The following SSBP2 variants were observed in gnomAD, a reference collection of about 807,000 sequenced individuals.
The protein encoded by SSBP2 is single stranded DNA binding protein 2, also known as single-stranded DNA-binding protein 2.
A neutral mutation model predicts 61.8 loss-of-function variants in SSBP2; 17 were observed. That is an observed-to-expected ratio of 0.28 (90% CI 0.19 to 0.41). SSBP2 has a LOEUF of 0.41. Among genes scored for constraint, SSBP2 ranks in the 10% least tolerant of loss-of-function variants. The probability of loss-of-function intolerance (pLI) is 1.00; values close to 1 mark genes in which losing one functional copy is unlikely to be tolerated. For synonymous variants in SSBP2, 139 were observed against 141.3 expected (o/e 0.98, Z 0.12); for missense variants, 310 against 458.7 (o/e 0.68, Z 2.96).
intron 5 of SSBP2, among the ~76,000 whole-genome samples, chr5:81,498,994 C>G (rs1388071367): frequency 6.6e-6 from 1 of 152,096 alleles, no homozygotes; most frequent in Non-Finnish European, 1.5e-5. Flanking sequence ...ATTCATATAT[C>G]TTAATTTGTT....
chr5:81,420,094 T>G lies in SSBP2; in HGVS notation c.*410A>C, dbSNP rs9641. The G allele has an allele frequency of 0.067, 10,884 of 162,544 alleles. 831 individuals are homozygous for G. The highest frequency in any genetic ancestry group is 0.19 in the African/African-American group (8,126 of 41,732). The allele number at this position is 162,544 out of a possible 1,614,324, so 10.1% of individuals were successfully genotyped here. On this transcript the variant is annotated 3_prime_UTR_variant, in exon 17 of 17. Transcript: ENST00000320672. Reference sequence around the variant, plus strand: ...GGGGGCAGGAGCAACTTGTAATAATTAAAATGTAAACGTGAAAAAAAGGAT... The same window carrying G: ...GGGGGCAGGAGCAACTTGTAATAATGAAAATGTAAACGTGAAAAAAAGGAT...
chr5:81,592,597 G>A (rs1339335885), intron 4 of SSBP2, among the ~76,000 whole-genome samples: 1 of 152,174 alleles, frequency 6.6e-6, no homozygotes, highest in African/African-American at 2.4e-5. Context: ...CCCCTAGTAG[G>A]GGCGGACTGA....
Position 81,428,663 on chromosome 5 carries a change from G to A in SSBP2, c.978C>T (p.Ser326=). 1.9e-6 allele frequency: 3 copies of A among 1,612,724 alleles called. No individual in the cohort carries two copies. Among genetic ancestry groups the A allele is most frequent in the Non-Finnish European group, 2.5e-6 (3 of 1,179,186 alleles). ...TTGGAGTGCCCGGTTGATTACTCAG[G>A]CTCATATTATTGGGAGAATTCTGTA... Residue 326 remains serine (S), a synonymous_variant, in exon 16 of 17, where the codon AGC becomes AGT. Transcript: ENST00000320672.
chr5:81,580,796 T>C (rs1039810582), intron 4 of SSBP2, among the ~76,000 whole-genome samples: 4 of 151,314 alleles, frequency 2.6e-5, no homozygotes, highest in Non-Finnish European at 5.9e-5. Flanking sequence ...GGACATACAA[T>C]GACACCATAT....
chr5:81,749,685 T>G lies in SSBP2; in HGVS notation c.62+1296A>C, dbSNP rs1031956860. ...ACAGTTTAAAAAAAAAAGGGGGGGG[T>G]TCTTCCTCAGTGATCACAGTCACTA... On this transcript the variant is annotated intron_variant, in intron 1 of 16. Coordinates refer to ENST00000320672, the MANE Select transcript of SSBP2 (RefSeq NM_012446.5). 6.7e-5 allele frequency among the ~76,000 whole-genome samples: 10 copies of G among 148,364 alleles called. No homozygotes were observed. In the East Asian group the frequency reaches 1.0e-3, roughly 15 times the overall value.
intron 12 of SSBP2, among the ~76,000 whole-genome samples, chr5:81,445,723 A>T (rs1015301318): frequency 2.0e-5 from 3 of 152,202 alleles, no homozygotes; most frequent in Non-Finnish European, 2.9e-5. Flanking sequence ...TCAAGCTTCT[A>T]TCTTAATTTC....
At chr5:81,473,043 A>G (rs1580772180) in intron 8 of SSBP2, among the ~76,000 whole-genome samples, 1 of 152,244 alleles carries the variant, frequency 6.6e-6, no homozygotes, top group Admixed American at 6.5e-5. Context: ...GCACACTGTT[A>G]AAGTATGGTT....
chr5:81,747,664 AAC>A (rs545841560), intron 1 of SSBP2, among the ~76,000 whole-genome samples: 7 of 152,110 alleles, frequency 4.6e-5, no homozygotes, highest in Non-Finnish European at 1.0e-4. Context: ...CATCTTCAAT[AAC>A]AATAATTTAT....
At chr5:81,660,957 T>TGA (rs71000849) in intron 1 of SSBP2, among the ~76,000 whole-genome samples, 4,675 of 146,388 alleles carry the variant, frequency 0.032, 103 homozygotes, top group Non-Finnish European at 0.048. Flanking sequence ...AGTTGAACAA[T>TGA]GAGAACACAT....
chr5:81,638,424 G>A (rs1014139620), intron 2 of SSBP2, among the ~76,000 whole-genome samples: 20 of 151,958 alleles, frequency 1.3e-4, no homozygotes, highest in African/African-American at 4.3e-4. Context: ...TCTGGAGGCT[G>A]AGGCAGGAGA....
intron 4 of SSBP2, among the ~76,000 whole-genome samples, chr5:81,562,547 T>A (rs1024387727): frequency 3.3e-5 from 5 of 152,090 alleles, no homozygotes; most frequent in African/African-American, 1.2e-4. Context: ...TAAAGAACCA[T>A]CTAATCATAC....
At chr5:81,731,602 G>A (rs1296911379) in intron 1 of SSBP2, among the ~76,000 whole-genome samples, 1 of 151,964 alleles carries the variant, frequency 6.6e-6, no homozygotes, top group African/African-American at 2.4e-5. Flanking sequence ...TCAATTAATA[G>A]GATTTTCTTC....
rs189827865 is a variant in SSBP2, at chr5:81,684,390, A to G, written c.63-34051T>C. 4.9e-3 allele frequency among the ~76,000 whole-genome samples: 741 copies of G among 152,280 alleles called. 5 individuals are homozygous for G. The highest frequency in any genetic ancestry group is 0.015 in the Admixed American group (234 of 15,298). ...TTCAAATTACATAATAATCTGGAAA[A>G]GGCAAAACTATGGATACAGCAAAAA... On this transcript the variant is annotated intron_variant, in intron 1 of 16. Coordinates refer to ENST00000320672, the MANE Select transcript of SSBP2 (RefSeq NM_012446.5).
At chr5:81,559,505 C>T (rs1208422272) in intron 4 of SSBP2, among the ~76,000 whole-genome samples, 1 of 151,532 alleles carries the variant, frequency 6.6e-6, no homozygotes, top group African/African-American at 2.4e-5. Context: ...CACCATGGCG[C>T]TCCAGCCTGG....
At chr5:81,704,538 C>T (rs1754222881) in intron 1 of SSBP2, among the ~76,000 whole-genome samples, 2 of 152,168 alleles carry the variant, frequency 1.3e-5, no homozygotes, top group South Asian at 2.1e-4. Flanking sequence ...GTGGCTCGGC[C>T]TGTAATCCCA....
rs553793901 is a variant in SSBP2 at position 81,522,995 on chromosome 5, T to A, written c.283-9278A>T. 5.3e-5 allele frequency among the ~76,000 whole-genome samples: 8 copies of A among 152,074 alleles called. No homozygotes were observed. In the South Asian group the frequency reaches 1.7e-3, roughly 32 times the overall value. On this transcript the variant is annotated intron_variant, in intron 4 of 16. Transcript: ENST00000320672. The stretch of plus-strand genomic sequence containing the variant: ...CCAAAATATTCCACAAAGAAGTAGA[T>A]CCTTAGCATCTAAAAACAGATAAAG...
chr5:81,428,789 T>G, intron 15 of SSBP2, 106 bp from the exon 16 acceptor site: 1 of 717,834 alleles, frequency 1.4e-6, no homozygotes, highest in East Asian at 2.7e-5. Flanking sequence ...CAAAGCATAC[T>G]TCTAATTTTA....
intron 10 of SSBP2, among the ~76,000 whole-genome samples, chr5:81,457,056 G>A (rs1764213631): frequency 6.6e-6 from 1 of 152,160 alleles, no homozygotes; most frequent in African/African-American, 2.4e-5. Flanking sequence ...TTAGTTGAGA[G>A]GGCCTAAAAG....
chr5:81,705,980 A>C (rs1754356651), intron 1 of SSBP2, among the ~76,000 whole-genome samples: 1 of 152,196 alleles, frequency 6.6e-6, no homozygotes, highest in Non-Finnish European at 1.5e-5. Context: ...TCAACCCAGC[A>C]ATCCTATTAC....
Sources: allele counts gnomAD v4.1 joint callset (sites outside exome capture counted in the v4.1 genomes callset), GRCh38; gene constraint gnomAD v4.1.1; transcripts MANE v1.5; gene names NCBI Gene and HGNC (gene_info 2026-07-23, HGNC 2026-07-21).